The following CFAP299 variants were observed in gnomAD, a reference collection of about 807,000 sequenced individuals.
The protein encoded by CFAP299 is cilia and flagella associated protein 299.
A neutral mutation model predicts 27.0 loss-of-function variants in CFAP299; 21 were observed. That is an observed-to-expected ratio of 0.78 (90% CI 0.55 to 1.12). The LOEUF (loss-of-function observed/expected upper bound fraction) is 1.12, where lower values mean the gene tolerates loss of function less well. Ranked by LOEUF, CFAP299 falls within the 50% of genes most tolerant of loss-of-function variation. The pLI, the probability that CFAP299 is intolerant of heterozygous loss-of-function variation, is 0.00. For synonymous variants in CFAP299, 104 were observed against 98.1 expected, an observed-to-expected ratio of 1.06 and a Z score of -0.36; for missense variants, 310 against 276.6, an observed-to-expected ratio of 1.12 and a Z score of -0.86.
chr4:80,471,314 T>G (rs1469270613), intron 2 of CFAP299, among the ~76,000 whole-genome samples: 2 of 151,888 alleles, frequency 1.3e-5, no homozygotes, highest in African/African-American at 2.4e-5. Context: ...AGCAACATCC[T>G]AAAAATGAAA....
intron 3 of CFAP299, among the ~76,000 whole-genome samples, chr4:80,717,787 GT>G (rs1274151878): frequency 6.6e-6 from 1 of 152,066 alleles, no homozygotes; most frequent in African/African-American, 2.4e-5. Flanking sequence ...AGGAAAAATA[GT>G]CTAATTCTCA....
At chr4:80,712,595 T>C (rs1312865268) in intron 3 of CFAP299, among the ~76,000 whole-genome samples, 1 of 152,190 alleles carries the variant, frequency 6.6e-6, no homozygotes, top group Non-Finnish European at 1.5e-5. Flanking sequence ...GAATTTTTAA[T>C]TATTTTCTTT....
intron 2 of CFAP299, among the ~76,000 whole-genome samples, chr4:80,469,496 C>T (rs1729877280): frequency 6.6e-6 from 1 of 152,010 alleles, no homozygotes; most frequent in South Asian, 2.1e-4. Flanking sequence ...TGTATGAAAA[C>T]ATAAAATTAT....
chr4:80,705,536 G>A (rs1242085852), intron 3 of CFAP299, among the ~76,000 whole-genome samples: 5 of 151,794 alleles, frequency 3.3e-5, no homozygotes, highest in African/African-American at 1.2e-4. Flanking sequence ...CAAGAAAAGA[G>A]GAAAAGGAGT....
At chr4:80,942,256 A>G (rs549568151) in intron 4 of CFAP299, among the ~76,000 whole-genome samples, 19 of 152,316 alleles carry the variant, frequency 1.2e-4, no homozygotes, top group Non-Finnish European at 2.6e-4. Context: ...TAGTGTAGTC[A>G]CAACCAGTAG....
intron 3 of CFAP299, among the ~76,000 whole-genome samples, chr4:80,606,499 C>T (rs1376763774): frequency 6.6e-6 from 1 of 152,116 alleles, no homozygotes; most frequent in Admixed American, 6.5e-5. Flanking sequence ...CCTGCCATTG[C>T]ACTCCAGCCT....
intron 3 of CFAP299, among the ~76,000 whole-genome samples, chr4:80,864,028 G>T (rs1578195939): frequency 6.6e-6 from 1 of 152,000 alleles, no homozygotes; most frequent in East Asian, 1.9e-4. Flanking sequence ...AGATAGGGAT[G>T]GCTACAAATG....
At chr4:80,858,817 C>T (rs373638685) in intron 3 of CFAP299, among the ~76,000 whole-genome samples, 1 of 151,978 alleles carries the variant, frequency 6.6e-6, no homozygotes, top group South Asian at 2.1e-4. Flanking sequence ...CTGAGGAGAG[C>T]TTTACTTCCA....
At chr4:80,384,953 T>C (rs2110023984) in intron 2 of CFAP299, among the ~76,000 whole-genome samples, 1 of 152,322 alleles carries the variant, frequency 6.6e-6, no homozygotes, top group East Asian at 1.9e-4. Flanking sequence ...TATATTTGTA[T>C]GTATTTAATT....
chr4:80,729,242 T>C (rs1470376626), intron 3 of CFAP299, among the ~76,000 whole-genome samples: 1 of 152,212 alleles, frequency 6.6e-6, no homozygotes, highest in Non-Finnish European at 1.5e-5. Flanking sequence ...TTTTGGTTGC[T>C]AATTCCACAA....
intron 3 of CFAP299, among the ~76,000 whole-genome samples, chr4:80,791,183 C>T (rs189808756): frequency 3.1e-4 from 47 of 151,890 alleles, no homozygotes; most frequent in Admixed American, 1.6e-3. Flanking sequence ...TAAAATGTTA[C>T]TTAACAAGTC....
chr4:80,693,553 G>T (rs1225791043), intron 3 of CFAP299, among the ~76,000 whole-genome samples: 5 of 131,244 alleles, frequency 3.8e-5, no homozygotes, highest in African/African-American at 5.6e-5. Flanking sequence ...GTGGTGGGGT[G>T]GGGGAGGGGG....
chr4:80,611,710 G>A (rs1248513736), intron 3 of CFAP299, among the ~76,000 whole-genome samples: 2 of 152,044 alleles, frequency 1.3e-5, no homozygotes, highest in African/African-American at 4.8e-5. Context: ...ACTCTTTTGA[G>A]TTCTCTTGGA....
chr4:80,671,906 G>A (rs1203057984), intron 3 of CFAP299, among the ~76,000 whole-genome samples: 1 of 152,148 alleles, frequency 6.6e-6, no homozygotes, highest in African/African-American at 2.4e-5. Flanking sequence ...CTGAGATGAT[G>A]GGGTTTTCTA....
At chr4:80,908,350 A>G (rs1045923654) in intron 4 of CFAP299, among the ~76,000 whole-genome samples, 2 of 152,202 alleles carry the variant, frequency 1.3e-5, no homozygotes, top group African/African-American at 4.8e-5. Flanking sequence ...TATTTTGCTG[A>G]TTGGATGTCC....
chr4:80,392,936 G>A (rs1019364453), intron 2 of CFAP299, among the ~76,000 whole-genome samples: 1 of 152,212 alleles, frequency 6.6e-6, no homozygotes, highest in East Asian at 1.9e-4. Flanking sequence ...CCTCAGGCAG[G>A]TCCTTCAGGA....
chr4:80,480,037 T>A (rs150629884), intron 2 of CFAP299, among the ~76,000 whole-genome samples: 399 of 152,126 alleles, frequency 2.6e-3, no homozygotes, highest in African/African-American at 9.2e-3. Flanking sequence ...AATGTGGGCC[T>A]GGGCAATACC....
intron 3 of CFAP299, among the ~76,000 whole-genome samples, chr4:80,695,477 A>T (rs1229211758): frequency 6.6e-6 from 1 of 152,170 alleles, no homozygotes; most frequent in Non-Finnish European, 1.5e-5. Flanking sequence ...CTACTCATCT[A>T]CATGGAGAAT....
chr4:80,390,146 A>G lies in CFAP299; in HGVS notation c.242+27262A>G, dbSNP rs550422460. Reference sequence around the variant, plus strand: ...TTTATGGTGAGAATATTTAAGGTCTACTTTCTTAGCACATTTCAAGTATAC... The same window carrying G: ...TTTATGGTGAGAATATTTAAGGTCTGCTTTCTTAGCACATTTCAAGTATAC... On this transcript the variant is annotated intron_variant, in intron 2 of 5. Transcript: ENST00000358105. 1.1e-4 allele frequency among the ~76,000 whole-genome samples: 17 copies of G among 152,146 alleles called. No individual in the cohort carries two copies. The South Asian group carries it at 2.7e-3, about 24-fold the overall frequency.
Sources: gnomAD v4.1 joint callset for allele counts (sites outside exome capture counted in the v4.1 genomes callset) on GRCh38, gnomAD v4.1.1 for gene constraint, MANE v1.5 for transcripts, NCBI Gene and HGNC (gene_info 2026-07-23, HGNC 2026-07-21) for gene names.